The following SESTD1 variants were observed in gnomAD, a reference collection of about 807,000 sequenced individuals.
The protein encoded by SESTD1 is SEC14 and spectrin domain containing 1.
In SESTD1, 43 loss-of-function variants were observed where a neutral mutation model predicts 101.7. The ratio of observed to expected loss-of-function variants is 0.42; its 90% CI spans 0.33 to 0.55. The LOEUF (loss-of-function observed/expected upper bound fraction) is 0.55, where lower values mean the gene tolerates loss of function less well. SESTD1 is among the 20% of genes least tolerant of loss of function. The pLI, the probability that SESTD1 is intolerant of heterozygous loss-of-function variation, is 0.07. For missense variants in SESTD1, 647 were observed against 815.1 expected, an observed-to-expected ratio of 0.79 and a Z score of 2.51; for synonymous variants, 283 against 286.8, an observed-to-expected ratio of 0.99 and a Z score of 0.13.
intron 1 of SESTD1, among the ~76,000 whole-genome samples, chr2:179,196,003 G>C (rs537141181): frequency 6.6e-6 from 1 of 152,156 alleles, no homozygotes; most frequent in African/African-American, 2.4e-5. Context: ...CAGCATGAAC[G>C]ACACAGAATA....
Position 179,162,247 on chromosome 2 carries a change from TA to T in SESTD1, c.369+9872del, listed in dbSNP as rs78526224. Among the ~76,000 whole-genome samples the T allele has an allele frequency of 4.8e-3, 695 of 145,222 alleles. 9 individuals carry two copies. The highest frequency in any genetic ancestry group is 0.016 in the African/African-American group (635 of 39,774). ...AGTTTTCCAATTAATATATTTTAAG[TA>T]AAAAAAAAAACCATATTTTTTAAAA... On this transcript the variant is annotated intron_variant, in intron 5 of 17. Transcript: ENST00000428443.
chr2:179,144,009 T>C (rs2045341845), intron 8 of SESTD1, among the ~76,000 whole-genome samples: 1 of 152,110 alleles, frequency 6.6e-6, no homozygotes, highest in Non-Finnish European at 1.5e-5. Flanking sequence ...TGTGTGTACA[T>C]ATATATTATG....
intron 1 of SESTD1, among the ~76,000 whole-genome samples, chr2:179,217,952 G>A (rs531007779): frequency 4.6e-5 from 7 of 152,094 alleles, no homozygotes; most frequent in Admixed American, 2.6e-4. Context: ...GACACAGGGC[G>A]GGGAACGTCA....
rs1429485504 is a variant in SESTD1 at position 179,210,882 on chromosome 2, A to C, written c.-25-19016T>G. Among the ~76,000 whole-genome samples the C allele has an allele frequency of 4.5e-5, 6 of 134,614 alleles. 1 individual carries two copies. The highest frequency in any genetic ancestry group is 2.0e-4 in the East Asian group (1 of 5,020). The allele number at this position is 134,614 out of a possible 152,430, so 88.3% of individuals were successfully genotyped here. On this transcript the variant is annotated intron_variant, in intron 1 of 17. Transcript: ENST00000428443. ...TAAACGGCATCTAAATCGGTAAAGA[A>C]GACAAACTGTCACTGTTTGTTGATG...
intron 13 of SESTD1, among the ~76,000 whole-genome samples, chr2:179,119,008 T>C (rs1445553262): frequency 6.6e-6 from 1 of 152,088 alleles, no homozygotes; most frequent in Admixed American, 6.5e-5. Context: ...GCATGATGCT[T>C]TCAGGGAGAT....
intron 5 of SESTD1, among the ~76,000 whole-genome samples, chr2:179,168,813 T>C (rs1274734495): frequency 1.3e-5 from 2 of 152,206 alleles, no homozygotes. Flanking sequence ...TGCAGCAATG[T>C]AGTGTTTGTT....
intron 7 of SESTD1, among the ~76,000 whole-genome samples, chr2:179,146,909 GTGT>G (rs557612628): frequency 1.9e-5 from 1 of 51,282 alleles, no homozygotes; most frequent in South Asian, 1.0e-3. Flanking sequence ...CCAGGGGTGT[GTGT>G]GTGTGTGTGT....
At chr2:179,116,584 T>C (rs2044638359) in intron 15 of SESTD1, 84 bp downstream of exon 15, 1 of 1,592,510 alleles carries the variant, frequency 6.3e-7, no homozygotes, top group African/African-American at 1.3e-5. Flanking sequence ...CTTCTTGTAC[T>C]TGGAAGGTAA....
intron 5 of SESTD1, among the ~76,000 whole-genome samples, chr2:179,154,510 A>G (rs1295643290): frequency 6.6e-6 from 1 of 152,182 alleles, no homozygotes; most frequent in Non-Finnish European, 1.5e-5. Context: ...CTGAACATTA[A>G]TGGCTGCTAA....
At chr2:179,117,681 T>C (rs1443676038) in intron 13 of SESTD1, 68 bp from the exon 14 acceptor site, 2 of 1,260,296 alleles carry the variant, frequency 1.6e-6, no homozygotes, top group Non-Finnish European at 2.2e-6. Flanking sequence ...AACATCATCA[T>C]TTGGTACATG....
chr2:179,132,862 C>G (rs755231033), intron 9 of SESTD1, among the ~76,000 whole-genome samples: 1 of 152,072 alleles, frequency 6.6e-6, no homozygotes, highest in Non-Finnish European at 1.5e-5. Context: ...ATAACATAAT[C>G]CATTATTGAA....
At chr2:179,141,899 A>AT (rs1270780030) in intron 9 of SESTD1, among the ~76,000 whole-genome samples, 2 of 152,206 alleles carry the variant, frequency 1.3e-5, no homozygotes, top group African/African-American at 4.8e-5. Context: ...GCCACATACA[A>AT]TTAACGTATG....
At position 179,102,501 on chromosome 2, in the gene SESTD1, C is replaced by G. The variant is rs1056394890; in HGVS notation, c.*7398G>C. 2.0e-5 allele frequency: 3 copies of G among 152,138 alleles called. No individual in the cohort carries two copies. In the East Asian group the frequency reaches 5.8e-4, roughly 29 times the overall value. 9.4% of individuals were successfully genotyped at this position (152,138 alleles called of 1,614,324 possible). Reference sequence around the variant, plus strand: ...TGACAATATATCAAAGAAATACATACCAAAACCTGCTGCCATTATAGTTGT... The same window carrying G: ...TGACAATATATCAAAGAAATACATAGCAAAACCTGCTGCCATTATAGTTGT... On this transcript the variant is annotated 3_prime_UTR_variant, in exon 18 of 18. Coordinates refer to ENST00000428443, the MANE Select transcript of SESTD1 (RefSeq NM_178123.5).
chr2:179,130,668 CAT>C (rs898112191), intron 10 of SESTD1, among the ~76,000 whole-genome samples: 2 of 151,998 alleles, frequency 1.3e-5, no homozygotes, highest in African/African-American at 4.8e-5. Context: ...TTAGAATCCT[CAT>C]GTGCCATGTG....
At chr2:179,220,239 T>C (rs1178446574) in intron 1 of SESTD1, among the ~76,000 whole-genome samples, 1 of 152,204 alleles carries the variant, frequency 6.6e-6, no homozygotes, top group East Asian at 1.9e-4. Context: ...CAAACCCTTA[T>C]CAACAGCAAA....
intron 1 of SESTD1, among the ~76,000 whole-genome samples, chr2:179,239,024 C>T (rs749627102): frequency 6.6e-5 from 10 of 152,078 alleles, no homozygotes; most frequent in South Asian, 2.1e-4. Context: ...TTATTAATCA[C>T]GACTAATGTT....
At position 179,212,021 on chromosome 2, in the gene SESTD1, T is replaced by C. The variant is rs900444606; in HGVS notation, c.-25-20155A>G. Among the ~76,000 whole-genome samples the C allele has an allele frequency of 3.0e-5, 4 of 134,394 alleles. 1 individual carries two copies. Among genetic ancestry groups the C allele is most frequent in the Admixed American group, 2.2e-4 (3 of 13,870 alleles). 88.2% of individuals were successfully genotyped at this position (134,394 alleles called of 152,430 possible). A position where few individuals can be genotyped will look rare whatever the true frequency, so the allele number is the denominator to read the frequency against. ...AAACTATTGAAATAATTAAAAAATA[T>C]CTTCCGTTCCAAGATGGCTGAATAG... On this transcript the variant is annotated intron_variant, in intron 1 of 17. Transcript: ENST00000428443.
chr2:179,241,205 C>T (rs941849918), intron 1 of SESTD1, among the ~76,000 whole-genome samples: 16 of 152,094 alleles, frequency 1.1e-4, no homozygotes, highest in Admixed American at 4.6e-4. Flanking sequence ...AACAGATCCT[C>T]AAGGACCAGT....
chr2:179,191,213 G>A (rs2046314648), intron 2 of SESTD1, among the ~76,000 whole-genome samples: 1 of 152,076 alleles, frequency 6.6e-6, no homozygotes, highest in African/African-American at 2.4e-5. Flanking sequence ...AAGAAAACGT[G>A]GTACATATAC....
Sources: allele counts gnomAD v4.1 joint callset (sites outside exome capture counted in the v4.1 genomes callset), GRCh38; gene constraint gnomAD v4.1.1; transcripts MANE v1.5; gene names NCBI Gene and HGNC (gene_info 2026-07-23, HGNC 2026-07-21).